The following ITIH5 variants were observed in gnomAD, a reference collection of about 807,000 sequenced individuals.
The protein encoded by ITIH5 is inter-alpha-trypsin inhibitor heavy chain H5.
ITIH5 carries 65 observed loss-of-function variants against 77.5 expected under a neutral mutation model. That is an observed-to-expected ratio of 0.84 (90% CI 0.69 to 1.03). The LOEUF is 1.03. ITIH5 is among the 50% of genes least tolerant of loss of function. The pLI is 0.00. For synonymous variants in ITIH5, 525 were observed against 494.3 expected, an observed-to-expected ratio of 1.06 and a Z score of -0.82; for missense variants, 1,208 against 1,213.1, an observed-to-expected ratio of 1.00 and a Z score of 0.06.
At chr10:7,585,827 A>AT in intron 8 of ITIH5, 74 bp downstream of exon 8, 1 of 1,016,658 alleles carries the variant, frequency 9.8e-7, no homozygotes, top group Non-Finnish European at 1.3e-6. Context: ...TCTCTTGGCA[A>AT]AAAAAAAAAA....
At chr10:7,628,891 G>A (rs78482649) in intron 5 of ITIH5, among the ~76,000 whole-genome samples, 28,606 of 120,764 alleles carry the variant, frequency 0.24, 6,125 homozygotes, top group South Asian at 0.38. Context: ...GCGTGTGTCC[G>A]TGTTGTGGCA....
intron 8 of ITIH5, among the ~76,000 whole-genome samples, chr10:7,583,582 C>A (rs1179261101): frequency 1.3e-5 from 2 of 152,200 alleles, no homozygotes; most frequent in Non-Finnish European, 1.5e-5. Context: ...AATCCACCCG[C>A]CTTGGCCTCC....
chr10:7,580,040 T>C lies in ITIH5; in HGVS notation c.1133A>G (p.Gln378Arg), dbSNP rs961706455. The C allele has an allele frequency of 3.7e-6, 6 of 1,608,994 alleles. No individual in the cohort carries two copies. The highest frequency in any genetic ancestry group is 1.9e-4 in the Middle Eastern group (1 of 5,396). Residue 378 changes from glutamine (Q) to arginine (R), a missense_variant, in exon 9 of 14, where the codon CAG becomes CGG. Coordinates refer to ENST00000397146, the MANE Select transcript of ITIH5 (RefSeq NM_030569.7). ...CTTGTTGAGGAGCCTGATGGCCCTC[T>C]GCAGGGCCCCGTTGATGTCTGTGCC... ...TGGTDINGAL[Q>R]RAIRLLNKYV...
chr10:7,615,460 A>G (rs1833345284), intron 7 of ITIH5, among the ~76,000 whole-genome samples: 1 of 152,216 alleles, frequency 6.6e-6, no homozygotes, highest in Non-Finnish European at 1.5e-5. Flanking sequence ...GTTTGTAAGA[A>G]AAGCATAAAT....
chr10:7,589,305 C>A (rs1032003130), intron 7 of ITIH5, among the ~76,000 whole-genome samples: 10 of 151,962 alleles, frequency 6.6e-5, no homozygotes, highest in Non-Finnish European at 1.5e-4. Flanking sequence ...TAAAAAAATA[C>A]AAAAATTAGC....
chr10:7,644,884 T>A (rs118130184), intron 2 of ITIH5, among the ~76,000 whole-genome samples: 24,262 of 112,024 alleles, frequency 0.22, 3,727 homozygotes, highest in Non-Finnish European at 0.29. Flanking sequence ...CATATATATA[T>A]CACATATATA....
Position 7,597,063 on chromosome 10 carries a change from A to AAAAAAAAAAAAAAAAAAAAT in ITIH5, c.940-10995_940-10994insATTTTTTTTTTTTTTTTTTT, listed in dbSNP as rs750714870. Among the ~76,000 whole-genome samples the AAAAAAAAAAAAAAAAAAAAT allele has an allele frequency of 6.6e-4, 94 of 142,720 alleles. 2 individuals carry two copies. The highest frequency in any genetic ancestry group is 1.2e-3 in the Non-Finnish European group (78 of 64,364). 93.6% of individuals were successfully genotyped at this position (142,720 alleles called of 152,430 possible). A position where few individuals can be genotyped will look rare whatever the true frequency, so the allele number is the denominator to read the frequency against. Reference sequence around the variant, plus strand: ...CCAACTCAAAAAAAAAAAAAAAAAAAATTCCACCAAAGAAATCAAAGACCT... The same window carrying AAAAAAAAAAAAAAAAAAAAT: ...CCAACTCAAAAAAAAAAAAAAAAAAAAAAAAAAAAAAAAAAAAAATATTCCACCAAAGAAATCAAAGACCT... On this transcript the variant is annotated intron_variant, in intron 7 of 13. Coordinates refer to ENST00000397146, the MANE Select transcript of ITIH5 (RefSeq NM_030569.7).
At chr10:7,662,741 A>C (rs1240933100) in intron 1 of ITIH5, among the ~76,000 whole-genome samples, 2 of 152,136 alleles carry the variant, frequency 1.3e-5, no homozygotes, top group Non-Finnish European at 2.9e-5. Flanking sequence ...AATCCCTGGA[A>C]TTTCTCCCAC....
chr10:7,602,404 C>T (rs2131008868), intron 7 of ITIH5, among the ~76,000 whole-genome samples: 1 of 152,274 alleles, frequency 6.6e-6, no homozygotes, highest in African/African-American at 2.4e-5. Flanking sequence ...CCCCATAATC[C>T]CTACGTGTCA....
In ITIH5 at chr10:7,561,719, T is replaced by G. The variant is rs1345616468; in HGVS notation, c.*1364A>C. ...AAACATGATAAAGAATTTTCTTAAC[T>G]CAGCTTTTCCTCCCAGTGCTAAGCA... On this transcript the variant is annotated 3_prime_UTR_variant, in exon 14 of 14. Coordinates refer to ENST00000397146, the MANE Select transcript of ITIH5 (RefSeq NM_030569.7). 2.6e-5 allele frequency: 4 copies of G among 152,196 alleles called. No individual in the cohort carries two copies. The highest frequency in any genetic ancestry group is 5.9e-5 in the Non-Finnish European group (4 of 68,038). The allele number at this position is 152,196 out of a possible 1,614,324, so 9.4% of individuals were successfully genotyped here.
chr10:7,619,660 G>A (rs188736838), intron 5 of ITIH5: 2 of 299,772 alleles, frequency 6.7e-6, no homozygotes, highest in Admixed American at 3.5e-5. Context: ...TCTACAAGGC[G>A]GCAGGAGCGA....
chr10:7,616,625 C>T (rs775096912), intron 6 of ITIH5, among the ~76,000 whole-genome samples: 2 of 152,132 alleles, frequency 1.3e-5, no homozygotes, highest in South Asian at 4.2e-4. Flanking sequence ...GTCAGGAGTT[C>T]GAGACCAGGC....
intron 8 of ITIH5, among the ~76,000 whole-genome samples, chr10:7,584,156 C>T (rs751516667): frequency 2.0e-5 from 3 of 152,112 alleles, no homozygotes; most frequent in South Asian, 2.1e-4. Context: ...TGATGCTACA[C>T]GTCTTAGAGA....
At chr10:7,616,226 C>T (rs964823763) in intron 6 of ITIH5, 128 bp from the exon 7 acceptor site, 1 of 626,160 alleles carries the variant, frequency 1.6e-6, no homozygotes, top group Admixed American at 2.6e-5. Flanking sequence ...GATTCCACAC[C>T]CGGAGTAAAA....
intron 7 of ITIH5, among the ~76,000 whole-genome samples, chr10:7,592,162 C>A (rs1054725511): frequency 2.6e-5 from 4 of 152,200 alleles, no homozygotes; most frequent in African/African-American, 9.7e-5. Context: ...AGCCACCATG[C>A]CCAGACACTT....
chr10:7,586,838 A>ATT (rs34045657), intron 7 of ITIH5, among the ~76,000 whole-genome samples: 13 of 150,600 alleles, frequency 8.6e-5, no homozygotes, highest in African/African-American at 2.4e-4. Context: ...CATTCTTCTT[A>ATT]TTTTTTTTTT....
chr10:7,644,270 T>C (rs1325593281), intron 2 of ITIH5, among the ~76,000 whole-genome samples: 1 of 149,550 alleles, frequency 6.7e-6, no homozygotes, highest in Non-Finnish European at 1.5e-5. Context: ...TGTACATATA[T>C]GTGCGTGTGT....
chr10:7,636,494 G>T lies in ITIH5; in HGVS notation c.652+734C>A, dbSNP rs574006491. Among the ~76,000 whole-genome samples, 7 of 152,132 alleles carry T rather than the reference G, an allele frequency of 4.6e-5. No homozygotes were observed. In the South Asian group the frequency reaches 6.2e-4, roughly 14 times the overall value. ...TATCAGCTTCATATTTAACATTATA[G>T]TACATATACAATTTGCCTTTTCTTC... On this transcript the variant is annotated intron_variant, in intron 5 of 13. Transcript: ENST00000397146.
At chr10:7,642,125 T>C in intron 2 of ITIH5, 35 bp from the exon 3 acceptor site, 3 of 1,558,344 alleles carry the variant, frequency 1.9e-6, no homozygotes, top group Non-Finnish European at 2.6e-6. Flanking sequence ...TCATCGGTGA[T>C]GCATGAAAGC....
Sources: allele counts gnomAD v4.1 joint callset (sites outside exome capture counted in the v4.1 genomes callset), GRCh38; gene constraint gnomAD v4.1.1; transcripts MANE v1.5; gene names NCBI Gene and HGNC (gene_info 2026-07-23, HGNC 2026-07-21).